GALNT18: variants seen among roughly 807,000 people sequenced by gnomAD.
GALNT18 encodes polypeptide N-acetylgalactosaminyltransferase 18.
GALNT18 carries 44 observed loss-of-function variants against 69.5 expected under a neutral mutation model. The observed-to-expected ratio is 0.63, with a 90% confidence interval of 0.50 to 0.81. GALNT18 has a LOEUF of 0.81. Among genes scored for constraint, GALNT18 ranks in the 40% least tolerant of loss-of-function variants. GALNT18 has a pLI of 0.00. For missense variants in GALNT18, 715 were observed against 810.0 expected (o/e 0.88, Z 1.42); for synonymous variants, 364 against 318.2 (o/e 1.14, Z -1.53).
intron 1 of GALNT18, among the ~76,000 whole-genome samples, chr11:11,489,209 G>A (rs1399216874): frequency 6.6e-6 from 1 of 152,336 alleles, no homozygotes; most frequent in East Asian, 1.9e-4. Flanking sequence ...GAGTATGAAT[G>A]GGGGAGCATT....
In GALNT18 at chr11:11,393,525, C is replaced by T. The variant is rs531601439; in HGVS notation, c.596-14261G>A. ...CCAACATCAGCCTGTTTCTAGGCCC[C>T]GGCCCAGGCCATGTGGGCTTCCTTG... On this transcript the variant is annotated intron_variant, in intron 3 of 10. Transcript: ENST00000227756. Among the ~76,000 whole-genome samples the T allele has an allele frequency of 3.9e-5, 6 of 152,382 alleles. No individual in the cohort carries two copies. In the East Asian group the frequency reaches 5.8e-4, roughly 15 times the overall value.
intron 1 of GALNT18, among the ~76,000 whole-genome samples, chr11:11,537,575 C>G (rs1208745326): frequency 6.6e-6 from 1 of 152,128 alleles, no homozygotes; most frequent in Non-Finnish European, 1.5e-5. Context: ...AGTGATTAGA[C>G]AGAAATAGCC....
chr11:11,428,953 G>A (rs964041126), intron 3 of GALNT18, among the ~76,000 whole-genome samples: 6 of 152,118 alleles, frequency 3.9e-5, no homozygotes, highest in Non-Finnish European at 7.3e-5. Context: ...TTACTGTAGA[G>A]GATGGTAATT....
chr11:11,358,087 GC>G lies in GALNT18; in HGVS notation c.1092+14427del, dbSNP rs1850568317. The stretch of plus-strand genomic sequence containing the variant: ...CACTGTCCCTGCCTCCATCTCCTAT[GC>G]CCATGTCCAATTTTAAAATCTCTTC... On this transcript the variant is annotated intron_variant, in intron 6 of 10. Transcript: ENST00000227756. 2.2e-5 allele frequency among the ~76,000 whole-genome samples: 2 copies of G among 91,142 alleles called. 1 individual carries two copies. The highest frequency in any genetic ancestry group is 8.0e-5 in the African/African-American group (2 of 25,016). 59.8% of individuals were successfully genotyped at this position (91,142 alleles called of 152,430 possible).
intron 10 of GALNT18, among the ~76,000 whole-genome samples, chr11:11,290,270 G>T (rs1456024953): frequency 2.0e-5 from 3 of 152,216 alleles, no homozygotes; most frequent in East Asian, 1.9e-4. Flanking sequence ...GAGGGAGGAA[G>T]AAATGGCTAA....
chr11:11,370,044 T>C (rs1172429749), intron 6 of GALNT18, among the ~76,000 whole-genome samples: 3 of 151,790 alleles, frequency 2.0e-5, no homozygotes, highest in Non-Finnish European at 2.9e-5. Flanking sequence ...CCTTGAGATA[T>C]ATGTAAGCCC....
At chr11:11,304,954 CTTG>C (rs779365350) in intron 9 of GALNT18, among the ~76,000 whole-genome samples, 3 of 152,188 alleles carry the variant, frequency 2.0e-5, no homozygotes, top group Admixed American at 6.5e-5. Context: ...ATAAACACAT[CTTG>C]TTGTAAGCCA....
At chr11:11,521,475 A>C (rs1857397884) in intron 1 of GALNT18, among the ~76,000 whole-genome samples, 1 of 151,684 alleles carries the variant, frequency 6.6e-6, no homozygotes, top group Non-Finnish European at 1.5e-5. Flanking sequence ...CTTGCTCTCC[A>C]GTTCTCGGGA....
intron 1 of GALNT18, among the ~76,000 whole-genome samples, chr11:11,553,586 T>C (rs1224252004): frequency 6.6e-6 from 1 of 152,008 alleles, no homozygotes; most frequent in Non-Finnish European, 1.5e-5. Flanking sequence ...GGAGGGAAAA[T>C]GCCTTCAAAA....
At chr11:11,351,234 C>A (rs1564905469) in intron 6 of GALNT18, among the ~76,000 whole-genome samples, 1 of 152,204 alleles carries the variant, frequency 6.6e-6, no homozygotes. Flanking sequence ...CATTTGGACT[C>A]CTGCACATCG....
intron 7 of GALNT18, among the ~76,000 whole-genome samples, chr11:11,336,476 G>A (rs536110675): frequency 2.2e-4 from 33 of 152,288 alleles, no homozygotes; most frequent in South Asian, 4.2e-4. Flanking sequence ...CTTACCTAGC[G>A]CTGTGTGCCA....
At position 11,280,426 on chromosome 11, in the gene GALNT18, C is replaced by T. The variant is rs1281462416; in HGVS notation, c.1678-9136G>A. Among the ~76,000 whole-genome samples the T allele has an allele frequency of 3.9e-5, 6 of 151,912 alleles. No homozygotes were observed. The South Asian group carries it at 1.0e-3, about 26-fold the overall frequency. On this transcript the variant is annotated intron_variant, in intron 10 of 10. Transcript: ENST00000227756. Reference sequence around the variant, plus strand: ...GCACCTCCAGGGAGAAGGATCTCACCCCCTCCCAAATATGCAGTCTTCCCC... The same window carrying T: ...GCACCTCCAGGGAGAAGGATCTCACTCCCTCCCAAATATGCAGTCTTCCCC...
rs117969972 is a variant in GALNT18 at position 11,374,985 on chromosome 11, T to C, written c.977+2197A>G. Among the ~76,000 whole-genome samples, 1,153 of 152,376 alleles carry C rather than the reference T, an allele frequency of 7.6e-3. 6 individuals carry two copies. Among genetic ancestry groups the C allele is most frequent in the Non-Finnish European group, 0.013 (859 of 68,038 alleles). On this transcript the variant is annotated intron_variant, in intron 5 of 10. Coordinates refer to ENST00000227756, the MANE Select transcript of GALNT18 (RefSeq NM_198516.3). ...GTCATATTAATTGATTCCCTGGGGA[T>C]AGCAAGTCTTTCTTTGACTGGCAGT...
Position 11,453,388 on chromosome 11 carries a change from A to C in GALNT18, c.236-4452T>G, listed in dbSNP as rs188548254. ...ACACCGGCCACTCATCAGACTCACC[A>C]GGCACATCTCACCTGAGTGCCTCAG... On this transcript the variant is annotated intron_variant, in intron 1 of 10. Coordinates refer to ENST00000227756, the MANE Select transcript of GALNT18 (RefSeq NM_198516.3). 3.2e-3 allele frequency among the ~76,000 whole-genome samples: 483 copies of C among 152,260 alleles called. 3 individuals carry two copies. Among genetic ancestry groups the C allele is most frequent in the African/African-American group, 0.011 (447 of 41,558 alleles).
rs116170308 is a variant in GALNT18, at chr11:11,581,271, G to A, written c.235+40088C>T. Among the ~76,000 whole-genome samples the A allele has an allele frequency of 7.0e-3, 1,061 of 152,312 alleles. 8 individuals are homozygous for A. The highest frequency in any genetic ancestry group is 0.024 in the African/African-American group (1,014 of 41,564). On this transcript the variant is annotated intron_variant, in intron 1 of 10. Coordinates refer to ENST00000227756, the MANE Select transcript of GALNT18 (RefSeq NM_198516.3). ...AGCAGAAGAGAAGGCCAGTACAACA[G>A]GCAGGCCTCACAGAATCACCAAGGA...
chr11:11,514,606 T>A (rs1318471520), intron 1 of GALNT18, among the ~76,000 whole-genome samples: 4 of 152,210 alleles, frequency 2.6e-5, no homozygotes. Flanking sequence ...CTTCCTACTC[T>A]TGCCCTACAA....
intron 6 of GALNT18, among the ~76,000 whole-genome samples, chr11:11,355,102 C>G (rs1165137166): frequency 1.3e-5 from 2 of 152,226 alleles, no homozygotes; most frequent in Non-Finnish European, 2.9e-5. Flanking sequence ...TGTCGTGTTG[C>G]CCTTCAATCC....
chr11:11,542,267 GTAGA>G lies in GALNT18; in HGVS notation c.235+79088_235+79091del, dbSNP rs1403321948. On this transcript the variant is annotated intron_variant, in intron 1 of 10. Coordinates refer to ENST00000227756, the MANE Select transcript of GALNT18 (RefSeq NM_198516.3). The surrounding 1 kb of genome is among the most constrained non-coding windows in gnomAD (Gnocchi z 4.3). ...CATCTCACTCAGAGCTCCCCTCCTTGTAGATCTAGCCTTTCCCTCAGCCTTTCTC... is the reference window on the plus strand; with the variant it reads ...CATCTCACTCAGAGCTCCCCTCCTTGTCTAGCCTTTCCCTCAGCCTTTCTC... Among the ~76,000 whole-genome samples the G allele has an allele frequency of 6.6e-6, 1 of 152,034 alleles. No homozygotes were observed.
At chr11:11,441,740 G>T (rs1257062447) in intron 2 of GALNT18, among the ~76,000 whole-genome samples, 2 of 152,196 alleles carry the variant, frequency 1.3e-5, no homozygotes, top group African/African-American at 2.4e-5. Flanking sequence ...ACTCTGGGAT[G>T]GTCCAGCAGT....
Sources: allele counts gnomAD v4.1 joint callset (sites outside exome capture counted in the v4.1 genomes callset), GRCh38; gene constraint gnomAD v4.1.1; non-coding constraint Gnocchi (gnomAD v3.1); transcripts MANE v1.5; gene names NCBI Gene and HGNC (gene_info 2026-07-23, HGNC 2026-07-21).